Variants in MICU3 observed in about 807,000 individuals in gnomAD.
MICU3 encodes mitochondrial calcium uptake 3.
MICU3 carries 62 observed loss-of-function variants against 66.5 expected under a neutral mutation model. The ratio of observed to expected loss-of-function variants is 0.93; its 90% CI spans 0.76 to 1.15. The LOEUF (loss-of-function observed/expected upper bound fraction) is 1.15. MICU3 is among the 50% of genes most tolerant of loss of function. The pLI is 0.00. For synonymous variants in MICU3, 308 were observed against 240.7 expected, an observed-to-expected ratio of 1.28 and a Z score of -2.59; for missense variants, 779 against 664.4, an observed-to-expected ratio of 1.17 and a Z score of -1.90.
chr8:17,087,014 T>C lies in MICU3; in HGVS notation c.828T>C (p.Asp276=). ...KKNEKREIKG[D]EEKRAMLRLQ... is the part of the protein sequence containing the mutation. ...ATGAAAAGAGAGAAATTAAAGGAGA[T>C]GAAGAAAAGCGTGCAATGCTGGTAA... The change falls in exon 7 of 15, where the codon GAT becomes GAC. Residue 276 remains aspartate (D), a synonymous_variant. Transcript: ENST00000318063. The C allele has an allele frequency of 6.2e-7, 1 of 1,607,342 alleles. No homozygotes were observed. Among genetic ancestry groups the C allele is most frequent in the Non-Finnish European group, 8.5e-7 (1 of 1,175,020 alleles).
chr8:17,098,844 T>C (rs1159083264), intron 9 of MICU3, among the ~76,000 whole-genome samples: 1 of 151,778 alleles, frequency 6.6e-6, no homozygotes, highest in Non-Finnish European at 1.5e-5. Flanking sequence ...TTTACCATGT[T>C]ACATGAAATG....
chr8:17,042,449 C>T (rs1199781626), intron 1 of MICU3, among the ~76,000 whole-genome samples: 1 of 152,152 alleles, frequency 6.6e-6, no homozygotes, highest in Non-Finnish European at 1.5e-5. Flanking sequence ...AAGAAAATGC[C>T]TAGTCATTTG....
chr8:17,135,936 A>C, the MICU3 span, among the ~76,000 whole-genome samples: 1 of 152,214 alleles, frequency 6.6e-6, no homozygotes, highest in East Asian at 1.9e-4. Flanking sequence ...AATAAACTCA[A>C]ATAGATCATT....
At chr8:17,059,969 A>G (rs902239893) in intron 1 of MICU3, among the ~76,000 whole-genome samples, 2 of 152,240 alleles carry the variant, frequency 1.3e-5, no homozygotes, top group African/African-American at 4.8e-5. Context: ...AGAATTTGAT[A>G]CACTGATTTC....
At chr8:17,045,486 A>C (rs1303940849) in intron 1 of MICU3, among the ~76,000 whole-genome samples, 3 of 152,192 alleles carry the variant, frequency 2.0e-5, no homozygotes, top group Non-Finnish European at 4.4e-5. Context: ...AGTCATGCTT[A>C]TGAAGTCCCC....
chr8:17,130,677 A>G, the MICU3 span, among the ~76,000 whole-genome samples: 23 of 152,362 alleles, frequency 1.5e-4, no homozygotes, highest in African/African-American at 4.8e-4. Flanking sequence ...GCATAGTATT[A>G]ATTCAGTTAA....
chr8:17,031,796 A>G (rs117275911), intron 1 of MICU3, among the ~76,000 whole-genome samples: 5,919 of 152,276 alleles, frequency 0.039, 172 homozygotes, highest in Non-Finnish European at 0.059. Flanking sequence ...CAGTTCTCTT[A>G]TATGATAGCC....
chr8:17,106,571 TA>T (rs1444225873), intron 11 of MICU3, among the ~76,000 whole-genome samples: 1 of 150,880 alleles, frequency 6.6e-6, no homozygotes, highest in Non-Finnish European at 1.5e-5. Context: ...TTGCTTTTAT[TA>T]AATGGAAATA....
At chr8:17,051,171 G>A (rs1444447615) in intron 1 of MICU3, among the ~76,000 whole-genome samples, 2 of 151,886 alleles carry the variant, frequency 1.3e-5, no homozygotes, top group Non-Finnish European at 2.9e-5. Context: ...ATATTTTTCT[G>A]AAGTCAGCTA....
At chr8:17,038,648 C>G (rs1813479059) in intron 1 of MICU3, among the ~76,000 whole-genome samples, 1 of 151,814 alleles carries the variant, frequency 6.6e-6, no homozygotes, top group Non-Finnish European at 1.5e-5. Flanking sequence ...TTTTTTTTCA[C>G]AAAAGGAAGA....
the MICU3 span, among the ~76,000 whole-genome samples, chr8:17,129,314 A>T: frequency 6.6e-6 from 1 of 152,344 alleles, no homozygotes; most frequent in African/African-American, 2.4e-5. Context: ...AAAGTCATTC[A>T]TAGAAAAAGG....
chr8:17,065,842 G>A (rs2150644590), intron 2 of MICU3, among the ~76,000 whole-genome samples: 1 of 152,236 alleles, frequency 6.6e-6, no homozygotes, highest in Non-Finnish European at 1.5e-5. Flanking sequence ...AAAAGAGAAA[G>A]GAACTGAAAG....
At chr8:17,105,172 T>C (rs535400770) in intron 10 of MICU3, among the ~76,000 whole-genome samples, 165 of 152,132 alleles carry the variant, frequency 1.1e-3, no homozygotes, top group African/African-American at 3.8e-3. Context: ...CCCCATGTTA[T>C]AGATGAGGAA....
chr8:17,078,405 T>G (rs1488122729), intron 4 of MICU3, among the ~76,000 whole-genome samples: 3 of 152,072 alleles, frequency 2.0e-5, no homozygotes, highest in African/African-American at 7.2e-5. Flanking sequence ...CAATATTAGC[T>G]TAATTCATTA....
chr8:17,080,291 C>T (rs1349297162), intron 4 of MICU3, among the ~76,000 whole-genome samples: 1 of 152,048 alleles, frequency 6.6e-6, no homozygotes, highest in Non-Finnish European at 1.5e-5. Flanking sequence ...CTTCAATCAC[C>T]ATGTGATCCT....
rs539703246 is a variant in MICU3 at position 17,031,324 on chromosome 8, A to G, written c.381+3664A>G. ...TTATTTTGAGACATAGCATCGCTCT[A>G]TCGCTCAGGCTGGACTGCAGGGGTG... is the stretch of plus-strand genomic sequence containing the variant. On this transcript the variant is annotated intron_variant, in intron 1 of 14. Transcript: ENST00000318063. Among the ~76,000 whole-genome samples the G allele has an allele frequency of 2.0e-3, 298 of 149,242 alleles. 1 individual carries two copies. The highest frequency in any genetic ancestry group is 0.014 in the Middle Eastern group (4 of 284).
chr8:17,031,268 A>T (rs10108525), intron 1 of MICU3, among the ~76,000 whole-genome samples: 106 of 127,672 alleles, frequency 8.3e-4, no homozygotes, highest in African/African-American at 3.5e-3. Context: ...TTCATTTATT[A>T]TTATTATTAT....
chr8:17,033,839 C>T (rs1812501585), intron 1 of MICU3, among the ~76,000 whole-genome samples: 1 of 152,170 alleles, frequency 6.6e-6, no homozygotes, highest in Non-Finnish European at 1.5e-5. Flanking sequence ...AAGAAGCCTT[C>T]TCCATAACAT....
At chr8:17,111,364 C>A (rs545626222) in intron 11 of MICU3, among the ~76,000 whole-genome samples, 1 of 151,714 alleles carries the variant, frequency 6.6e-6, no homozygotes, top group Non-Finnish European at 1.5e-5. Context: ...ACTCTGTTAC[C>A]CAGGCAGGAG....
Sources: allele counts gnomAD v4.1 joint callset (sites outside exome capture counted in the v4.1 genomes callset), GRCh38; gene constraint gnomAD v4.1.1; transcripts MANE v1.5; gene names NCBI Gene and HGNC (gene_info 2026-07-23, HGNC 2026-07-21).